The following REEP4 variants were observed in gnomAD, a reference collection of about 807,000 sequenced individuals.
REEP4 encodes the protein receptor expression-enhancing protein 4.
Under a neutral mutation model 33.5 loss-of-function variants are expected in REEP4, and 17 were observed. The observed-to-expected ratio is 0.51, with a 90% CI of 0.35 to 0.76. The LOEUF is 0.76. REEP4 is among the 30% of genes least tolerant of loss of function. The pLI is 0.01. For synonymous variants in REEP4, 157 were observed against 142.9 expected, an observed-to-expected ratio of 1.10 and a Z score of -0.70; for missense variants, 340 against 357.9, an observed-to-expected ratio of 0.95 and a Z score of 0.40.
At position 22,138,642 on chromosome 8, in the gene REEP4, C is replaced by G; in HGVS notation, c.705G>C (p.Arg235=). 6.2e-7 allele frequency: 1 copy of G among 1,613,972 alleles called. No individual in the cohort carries two copies. The highest frequency in any genetic ancestry group is 8.5e-7 in the Non-Finnish European group (1 of 1,180,034). ...LRVVKRKPPV[R]EGTSRSLKVR... ...CCTGTCGTCCTCCCACACTGACCTC[C>G]CGCACCGGTGGCTTCCTCTTGACCA... Residue 235 remains arginine, a synonymous_variant, in exon 7 of 8, where the codon CGG becomes CGC. Coordinates refer to ENST00000306306, the MANE Select transcript of REEP4 (RefSeq NM_025232.4).
chr8:22,141,574 T>A lies in REEP4; in HGVS notation c.-92A>T, dbSNP rs970102620. The A allele has an allele frequency of 2.6e-4, 360 of 1,388,362 alleles. 1 individual carries two copies. Among genetic ancestry groups the A allele is most frequent in the Non-Finnish European group, 3.3e-4 (340 of 1,026,264 alleles). 86.0% of individuals were successfully genotyped at this position (1,388,362 alleles called of 1,614,324 possible). On this transcript the variant is annotated 5_prime_UTR_variant, in exon 1 of 8. Coordinates refer to ENST00000306306, the MANE Select transcript of REEP4 (RefSeq NM_025232.4). ...TGGGACGGGGGGTGATCAGGGCAGT[T>A]GCGGGAAGCAGAGGGGCGATCCGGC...
chr8:22,138,057 C>G lies in REEP4; in HGVS notation c.*430G>C, dbSNP rs551414088. On this transcript the variant is annotated 3_prime_UTR_variant, in exon 8 of 8. Transcript: ENST00000306306. ...ATTTATTTATCAAAACACTCGCAAA[C>G]CTGACCTCACTCACCAACACACACA... 4 of 488,380 alleles carry G rather than the reference C, an allele frequency of 8.2e-6. No homozygotes were observed. The South Asian group carries it at 9.8e-5, about 12-fold the overall frequency. 30.3% of individuals were successfully genotyped at this position (488,380 alleles called of 1,614,324 possible). A position where few individuals can be genotyped will look rare whatever the true frequency, so the allele number is the denominator to read the frequency against.
Position 22,138,716 on chromosome 8 carries a change from G to T in REEP4, c.631C>A (p.Pro211Thr), listed in dbSNP as rs114619220. ...AGGGGCTTCTCTCGGGGCCGGGCTG[G>T]CGCCCGGGGGACTGCCTCAGTATCT... ...WSDTEAVPRA[P>T]ARPREKPLIR... The change falls in exon 7 of 8, where the codon CCA becomes ACA. Residue 211 changes from proline (P) to threonine (T), a missense_variant. Coordinates refer to ENST00000306306, the MANE Select transcript of REEP4 (RefSeq NM_025232.4). 2 of 1,612,666 alleles carry T rather than the reference G, an allele frequency of 1.2e-6. No individual in the cohort carries two copies. The highest frequency in any genetic ancestry group is 1.7e-6 in the Non-Finnish European group (2 of 1,179,724).
In REEP4 at chr8:22,139,070, G is replaced by T; in HGVS notation, c.418-9C>A. On this transcript the variant is annotated splice_polypyrimidine_tract_variant and intron_variant, in intron 5 of 7. Coordinates refer to ENST00000306306, the MANE Select transcript of REEP4 (RefSeq NM_025232.4). Reference sequence around the variant, plus strand: ...GCCAGCGCCCCCTGACTCTGCGAGGGGGAAGAGGCTTCAGCGGGGAGGCTG... The same window carrying T: ...GCCAGCGCCCCCTGACTCTGCGAGGTGGAAGAGGCTTCAGCGGGGAGGCTG... 6.4e-7 allele frequency: 1 copy of T among 1,565,944 alleles called. No homozygotes were observed.
Position 22,138,788 on chromosome 8 carries a change from G to A in REEP4, c.559C>T (p.Arg187Trp), listed in dbSNP as rs766212543. ...TCGCTGTCCTGCAGGCCCCCGGCCC[G>A]GTACCCTGTGTGGAGGAGGAGGTGA... ...VSHRRPPIGY[R>W]AGGLQDSDTE... Residue 187 changes from arginine (R) to tryptophan (W), a missense_variant, in exon 7 of 8, where the codon CGG becomes TGG. Coordinates refer to ENST00000306306, the MANE Select transcript of REEP4 (RefSeq NM_025232.4). 1.1e-5 allele frequency: 17 copies of A among 1,598,888 alleles called. No individual in the cohort carries two copies. Among genetic ancestry groups the A allele is most frequent in the Admixed American group, 9.1e-5 (5 of 54,876 alleles).
At chr8:22,139,286 ACC>A in intron 5 of REEP4, 128 bp downstream of exon 5, 1 of 931,064 alleles carries the variant, frequency 1.1e-6, no homozygotes, top group East Asian at 2.6e-5. Flanking sequence ...TTCTGCCAAT[ACC>A]CCCCCGTCAC....
chr8:22,139,333 G>T, intron 5 of REEP4, 83 bp downstream of exon 5: 1 of 1,226,278 alleles, frequency 8.2e-7, no homozygotes, highest in Non-Finnish European at 1.2e-6. Context: ...CCATCTCTGG[G>T]CTCCCTGGCA....
At position 22,138,711 on chromosome 8, in the gene REEP4, G is replaced by A. The variant is rs1408810217; in HGVS notation, c.636C>T (p.Ala212=). The A allele has an allele frequency of 1.2e-6, 2 of 1,612,938 alleles. No homozygotes were observed. The highest frequency in any genetic ancestry group is 1.7e-6 in the Non-Finnish European group (2 of 1,179,786). ...GGATTAGGGGCTTCTCTCGGGGCCGGGCTGGCGCCCGGGGGACTGCCTCAG... is the reference window on the plus strand; with the variant it reads ...GGATTAGGGGCTTCTCTCGGGGCCGAGCTGGCGCCCGGGGGACTGCCTCAG... ...SDTEAVPRAP[A]RPREKPLIRS... The change falls in exon 7 of 8, where the codon GCC becomes GCT. Residue 212 remains alanine, a synonymous_variant. Transcript: ENST00000306306.
chr8:22,139,922 A>AC (rs542593671), intron 4 of REEP4, 41 bp downstream of exon 4: 67 of 1,553,996 alleles, frequency 4.3e-5, no homozygotes, highest in Non-Finnish European at 5.3e-5. Context: ...TTTCCCTCAT[A>AC]CCCACCCCTA....
rs746533527 is a variant in REEP4, at chr8:22,140,256, G to GT, written c.106-9dup. 1.5e-5 allele frequency: 24 copies of GT among 1,613,788 alleles called. No homozygotes were observed. The Admixed American group carries it at 2.2e-4, about 15-fold the overall frequency. On this transcript the variant is annotated splice_polypyrimidine_tract_variant and intron_variant, in intron 2 of 7. Transcript: ENST00000306306. ...GTACATCATCCACCGCACCTGTGGGGTGAGCGCCCAGAGGTCAGCATGGGG... is the reference window on the plus strand; with the variant it reads ...GTACATCATCCACCGCACCTGTGGGGTTGAGCGCCCAGAGGTCAGCATGGGG...
In REEP4 at chr8:22,141,715, G is replaced by A; in HGVS notation, c.-233C>T. 1 of 421,998 alleles carries A rather than the reference G, an allele frequency of 2.4e-6. No homozygotes were observed. Among genetic ancestry groups the A allele is most frequent in the Admixed American group, 4.4e-5 (1 of 22,622 alleles). 26.1% of individuals were successfully genotyped at this position (421,998 alleles called of 1,614,324 possible). ...GCCCCGGCGGGGAGGAAGCCGACTT[G>A]GGAGCGGGCGCGCCCCGCGGCCGGG... On this transcript the variant is annotated 5_prime_UTR_variant, in exon 1 of 8. Transcript: ENST00000306306.
intron 1 of REEP4, 151 bp from the exon 2 acceptor site, chr8:22,140,848 G>A (rs898451560): frequency 7.3e-5 from 50 of 686,368 alleles, no homozygotes; most frequent in Non-Finnish European, 9.6e-5. Flanking sequence ...TCAGAGCCCT[G>A]GAGGCCACCT....
At position 22,140,614 on chromosome 8, in the gene REEP4, C is replaced by T. The variant is rs1287600360; in HGVS notation, c.105+11G>A. 1.9e-6 allele frequency: 3 copies of T among 1,612,128 alleles called. No homozygotes were observed. In the African/African-American group the frequency reaches 4.0e-5, roughly 22 times the overall value. ...AAGTCCTATTAAACACACCCAAACC[C>T]CCACGCTCACATATTCACGAATGTT... On this transcript the variant is annotated intron_variant, in intron 2 of 7. Coordinates refer to ENST00000306306, the MANE Select transcript of REEP4 (RefSeq NM_025232.4).
intron 2 of REEP4, 106 bp from the exon 3 acceptor site, chr8:22,140,354 G>A: frequency 8.7e-7 from 1 of 1,152,098 alleles, no homozygotes; most frequent in Non-Finnish European, 1.3e-6. Flanking sequence ...CTGCATAGCT[G>A]CTTTCCCCCA....
intron 7 of REEP4, 31 bp downstream of exon 7, chr8:22,138,608 C>A (rs771556267): frequency 3.7e-6 from 6 of 1,613,902 alleles, no homozygotes; most frequent in Middle Eastern, 1.6e-4. Flanking sequence ...CAGCAGAGCC[C>A]TCCTCCCTCC....
In REEP4 at chr8:22,139,524, G is replaced by C. The variant is rs144286895; in HGVS notation, c.309C>G (p.Ile103Met). 1.2e-6 allele frequency: 2 copies of C among 1,607,630 alleles called. No homozygotes were observed. The highest frequency in any genetic ancestry group is 1.1e-5 in the South Asian group (1 of 90,904). Residue 103 changes from isoleucine to methionine, a missense_variant, in exon 5 of 8, where the codon ATC becomes ATG. Physicochemically the swap from Ile to Met is conservative, Grantham distance 10. Transcript: ENST00000306306. ...HPSLSRHEKE[I>M]DAYIVQAKER... ...CCTTGGCCTGCACGATGTACGCGTC[G>C]ATCTCCTGTGGACCCAATGGGGAGG...
intron 1 of REEP4, 149 bp downstream of exon 1, chr8:22,141,302 G>A (rs1827226306): frequency 6.3e-6 from 6 of 950,076 alleles, no homozygotes; most frequent in South Asian, 1.7e-5. Context: ...CAGACACCGC[G>A]TGCAAGCCCA....
intron 1 of REEP4, 87 bp from the exon 2 acceptor site, chr8:22,140,784 G>A: frequency 8.6e-7 from 1 of 1,163,276 alleles, no homozygotes; most frequent in Non-Finnish European, 1.3e-6. Context: ...TGGGGTGCAA[G>A]GTGGCAGTAC....
intron 2 of REEP4, 141 bp from the exon 3 acceptor site, chr8:22,140,389 G>A: frequency 1.1e-6 from 1 of 944,358 alleles, no homozygotes; most frequent in South Asian, 1.4e-5. Context: ...GGAGCTCTGA[G>A]AAACTGCTGC....
Sources: allele counts gnomAD v4.1 joint callset, GRCh38; gene constraint gnomAD v4.1.1; transcripts MANE v1.5; gene names NCBI Gene and HGNC (gene_info 2026-07-23, HGNC 2026-07-21).